Variants in LVRN observed in about 807,000 individuals in gnomAD.
LVRN encodes aminopeptidase Q.
LVRN carries 99 observed loss-of-function variants against 111.4 expected under a neutral mutation model. The ratio of observed to expected loss-of-function variants is 0.89; its 90% CI spans 0.76 to 1.05. LVRN has a LOEUF of 1.05. LVRN is among the 50% of genes least tolerant of loss of function. LVRN has a pLI of 0.00. For missense variants in LVRN, 1,414 were observed against 1,206.8 expected, an observed-to-expected ratio of 1.17 and a Z score of -2.54; for synonymous variants, 488 against 449.5, an observed-to-expected ratio of 1.09 and a Z score of -1.08.
At chr5:116,018,531 G>A (rs1034881264) in intron 18 of LVRN, among the ~76,000 whole-genome samples, 2 of 152,022 alleles carry the variant, frequency 1.3e-5, no homozygotes, top group African/African-American at 2.4e-5. Flanking sequence ...AAGTAGCCAG[G>A]CATGGTGGCA....
At chr5:116,023,881 C>A (rs1561572216) in intron 19 of LVRN, among the ~76,000 whole-genome samples, 1 of 152,104 alleles carries the variant, frequency 6.6e-6, no homozygotes, top group Non-Finnish European at 1.5e-5. Flanking sequence ...GAAATGTTAA[C>A]TGGAAACCAT....
Position 115,962,569 on chromosome 5 carries a change from C to A in LVRN, c.-49C>A. 6.5e-7 allele frequency: 1 copy of A among 1,538,806 alleles called. No individual in the cohort carries two copies. The highest frequency in any genetic ancestry group is 8.8e-7 in the Non-Finnish European group (1 of 1,136,054). On this transcript the variant is annotated 5_prime_UTR_variant, in exon 1 of 20. In the 5' UTR this introduces an upstream ATG that the reference lacks. Transcript: ENST00000357872. Reference sequence around the variant, plus strand: ...AACACCCTGGCCGGGGTTTTGACAGCTGCCACAGTCTCTGAGCTCCAGCCT... The same window carrying A: ...AACACCCTGGCCGGGGTTTTGACAGATGCCACAGTCTCTGAGCTCCAGCCT...
At position 115,992,295 on chromosome 5, in the gene LVRN, C is replaced by A. The variant is rs752785628; in HGVS notation, c.1260+18C>A. On this transcript the variant is annotated intron_variant, in intron 5 of 19. Transcript: ENST00000357872. ...GACACCAGGCATGTGGTAAAATGTT[C>A]TTTTTATTTCACTTGAAGTTATTCT... The A allele has an allele frequency of 1.9e-6, 3 of 1,612,690 alleles. No individual in the cohort carries two copies. The highest frequency in any genetic ancestry group is 2.2e-5 in the South Asian group (2 of 90,820).
chr5:116,015,802 C>T, intron 18 of LVRN, 37 bp downstream of exon 18: 1 of 1,604,920 alleles, frequency 6.2e-7, no homozygotes, highest in East Asian at 2.2e-5. Context: ...TCATTTAGGC[C>T]ACTGGTTTGG....
intron 6 of LVRN, among the ~76,000 whole-genome samples, chr5:115,995,791 A>G (rs1014118268): frequency 1.3e-5 from 2 of 152,248 alleles, no homozygotes. Context: ...AAACTGAGGT[A>G]TAGAAGCATT....
chr5:115,981,188 C>T (rs1472446418), intron 1 of LVRN, among the ~76,000 whole-genome samples: 1 of 152,160 alleles, frequency 6.6e-6, no homozygotes, highest in Non-Finnish European at 1.5e-5. Flanking sequence ...GCCATTATAA[C>T]AAACTCTGCC....
chr5:116,012,720 C>G (rs577734686), intron 15 of LVRN, among the ~76,000 whole-genome samples: 26 of 152,288 alleles, frequency 1.7e-4, no homozygotes, highest in African/African-American at 4.8e-4. Context: ...TTCTCAAAGC[C>G]TAGACTACTG....
chr5:116,004,823 G>A (rs1171113068), intron 12 of LVRN, among the ~76,000 whole-genome samples: 1 of 152,170 alleles, frequency 6.6e-6, no homozygotes. Context: ...GTTGATATAT[G>A]TATTATGTTT....
Position 116,015,429 on chromosome 5 carries a change from G to A in LVRN, c.2618+10G>A, listed in dbSNP as rs1748582106. On this transcript the variant is annotated intron_variant, in intron 17 of 19. Coordinates refer to ENST00000357872, the MANE Select transcript of LVRN (RefSeq NM_173800.5). ...CATGGATACTTAACAGGTGATTATGGTCAACTTACCTTGAAAGTTTCTGTT... is the reference window on the plus strand; with the variant it reads ...CATGGATACTTAACAGGTGATTATGATCAACTTACCTTGAAAGTTTCTGTT... 9 of 1,557,996 alleles carry A rather than the reference G, an allele frequency of 5.8e-6. No homozygotes were observed. Among genetic ancestry groups the A allele is most frequent in the African/African-American group, 2.8e-5 (2 of 72,384 alleles).
chr5:116,002,763 C>A (rs897460329), intron 10 of LVRN, 72 bp from the exon 11 acceptor site: 1 of 1,139,936 alleles, frequency 8.8e-7, no homozygotes, highest in African/African-American at 1.6e-5. Flanking sequence ...TTCATCATCT[C>A]TTTAATAGTG....
chr5:115,994,100 CTTCATATTTCTACATA>C (rs1431269131), intron 6 of LVRN, among the ~76,000 whole-genome samples: 3 of 151,654 alleles, frequency 2.0e-5, no homozygotes, highest in Admixed American at 1.3e-4. Context: ...TCATATTCAA[CTTCATATTTCTACATA>C]TTCATATTTC....
chr5:116,026,235 A>C lies in LVRN; in HGVS notation c.*117A>C. On this transcript the variant is annotated 3_prime_UTR_variant, in exon 20 of 20. Coordinates refer to ENST00000357872, the MANE Select transcript of LVRN (RefSeq NM_173800.5). ...CACATTTTATTTGTATTTCAGTCAC[A>C]TTTATTACTCAGAGTGCCATTCTTC... 7.0e-7 allele frequency: 1 copy of C among 1,427,032 alleles called. No individual in the cohort carries two copies. Among genetic ancestry groups the C allele is most frequent in the African/African-American group, 1.4e-5 (1 of 69,442 alleles). The allele number at this position is 1,427,032 out of a possible 1,614,324, so 88.4% of individuals were successfully genotyped here. A position where few individuals can be genotyped will look rare whatever the true frequency, so the allele number is the denominator to read the frequency against.
intron 1 of LVRN, among the ~76,000 whole-genome samples, chr5:115,974,208 T>C (rs1338387804): frequency 6.6e-6 from 1 of 152,338 alleles, no homozygotes; most frequent in South Asian, 2.1e-4. Flanking sequence ...GTAGAATGCA[T>C]TCCTAGAAGA....
chr5:115,993,260 A>G (rs1748034023), intron 5 of LVRN, among the ~76,000 whole-genome samples: 1 of 151,926 alleles, frequency 6.6e-6, no homozygotes, highest in Non-Finnish European at 1.5e-5. Flanking sequence ...ATATTGCATA[A>G]CGTATGATTA....
chr5:116,012,598 C>T, intron 15 of LVRN, 130 bp downstream of exon 15: 1 of 586,594 alleles, frequency 1.7e-6, no homozygotes, highest in Non-Finnish European at 2.9e-6. Flanking sequence ...TATTTGAGAA[C>T]AATAGCTCAG....
chr5:115,983,307 T>A lies in LVRN; in HGVS notation c.716T>A (p.Leu239Gln). ...GERRALLASQ[L>Q]EPTFARYVFP... ...TTCAGGGCCCTGTTAGCGTCCCAGC[T>A]GGAACCAACATTTGCCAGGTATGTT... Residue 239 changes from leucine to glutamine, a missense_variant, in exon 2 of 20, where the codon CTG (leucine) becomes CAG (glutamine). Physicochemically the swap from Leu to Gln is moderately radical, Grantham distance 113. Transcript: ENST00000357872. 1.9e-6 allele frequency: 3 copies of A among 1,603,460 alleles called. No individual in the cohort carries two copies. The highest frequency in any genetic ancestry group is 2.5e-6 in the Non-Finnish European group (3 of 1,176,914).
At chr5:115,991,635 G>A (rs566993647) in intron 4 of LVRN, among the ~76,000 whole-genome samples, 3 of 152,306 alleles carry the variant, frequency 2.0e-5, no homozygotes, top group Admixed American at 1.3e-4. Flanking sequence ...AGCAATGAAT[G>A]AGAGTTCCTG....
intron 14 of LVRN, 37 bp from the exon 15 acceptor site, chr5:116,012,337 G>T: frequency 3.5e-6 from 4 of 1,157,974 alleles, no homozygotes; most frequent in Non-Finnish European, 5.1e-6. Flanking sequence ...GTGTTTGCAA[G>T]CCAGAACTAA....
chr5:115,970,340 A>T (rs62384832), intron 1 of LVRN, among the ~76,000 whole-genome samples: 1 of 150,654 alleles, frequency 6.6e-6, no homozygotes, highest in Non-Finnish European at 1.5e-5. Flanking sequence ...ATGTACTCTC[A>T]TGTCTAACTT....
Sources: gnomAD v4.1 joint callset for allele counts (sites outside exome capture counted in the v4.1 genomes callset) on GRCh38, gnomAD v4.1.1 for gene constraint, MANE v1.5 for transcripts, NCBI Gene and HGNC (gene_info 2026-07-23, HGNC 2026-07-21) for gene names.